The following LYST variants were observed in gnomAD, a reference collection of about 807,000 sequenced individuals.
LYST encodes lysosomal-trafficking regulator.
LYST carries 192 observed loss-of-function variants against 413.6 expected under a neutral mutation model. That is an observed-to-expected ratio of 0.46 (90% CI 0.41 to 0.52). The LOEUF is 0.52. LYST is among the 20% of genes least tolerant of loss of function. The pLI is 0.00. For synonymous variants in LYST, 1,525 were observed against 1,567.3 expected (o/e 0.97, Z 0.64); for missense variants, 3,815 against 4,499.9 (o/e 0.85, Z 4.35).
chr1:235,758,173 A>G (rs946672969), intron 23 of LYST, among the ~76,000 whole-genome samples: 2 of 152,200 alleles, frequency 1.3e-5, no homozygotes, highest in African/African-American at 4.8e-5. Context: ...AGCTCCATAT[A>G]AAGTTATGGG....
intron 25 of LYST, 85 bp downstream of exon 25, chr1:235,755,393 G>GAAAAGAAA (rs1666927252): frequency 2.6e-6 from 1 of 388,508 alleles, no homozygotes; most frequent in East Asian, 3.1e-5. Flanking sequence ...CGTCTCAAAA[G>GAAAAGAAA]AAAAGAAAAG....
intron 1 of LYST, among the ~76,000 whole-genome samples, chr1:235,844,055 G>C (rs1196254358): frequency 2.0e-5 from 3 of 152,164 alleles, no homozygotes; most frequent in Non-Finnish European, 2.9e-5. Context: ...ATAATGTACA[G>C]AATAATAAGT....
chr1:235,793,037 C>G (rs1012850557), intron 11 of LYST, among the ~76,000 whole-genome samples: 9 of 152,094 alleles, frequency 5.9e-5, no homozygotes, highest in African/African-American at 2.2e-4. Context: ...GCTTATGCTT[C>G]TAGTCAAGGT....
In LYST at chr1:235,703,070, A is replaced by T; in HGVS notation, c.10144-93T>A. The T allele has an allele frequency of 3.2e-6, 3 of 924,426 alleles. No homozygotes were observed. In the South Asian group the frequency reaches 4.0e-5, roughly 12 times the overall value. 57.3% of individuals were successfully genotyped at this position (924,426 alleles called of 1,614,324 possible). On this transcript the variant is annotated intron_variant, in intron 44 of 52. Transcript: ENST00000389793. ...AGGGAAAAACAACACTTTGTTTTAT[A>T]TTCTAGGTTATGGAAAAAATGCTTT...
In LYST at chr1:235,793,543, G is replaced by T; in HGVS notation, c.4076C>A (p.Thr1359Asn). 6.3e-7 allele frequency: 1 copy of T among 1,592,964 alleles called. No individual in the cohort carries two copies. Among genetic ancestry groups the T allele is most frequent in the Non-Finnish European group, 8.6e-7 (1 of 1,163,498 alleles). Residue 1359 changes from threonine to asparagine, a missense_variant, in exon 11 of 53, where the codon ACC becomes AAC. This residue lies in a region of LYST where 1,648 missense variants were observed against 1,810.3 expected (regional missense o/e 0.91). Transcript: ENST00000389793. The stretch of plus-strand genomic sequence containing the variant: ...CTCCAGAAATATTCTCAAAAGAAGG[G>T]TTAGCTCTTCTGAACATGTTCTTGA... The part of the protein sequence containing the change: ...MSSRTCSEEL[T>N]LLLRIFLEKS...
chr1:235,878,414 ACT>A (rs1193050119), intron 1 of LYST, among the ~76,000 whole-genome samples: 1 of 151,620 alleles, frequency 6.6e-6, no homozygotes, highest in Non-Finnish European at 1.5e-5. Flanking sequence ...CTTCTATCCC[ACT>A]CTCCCTGATT....
chr1:235,847,441 C>T (rs1182103678), intron 1 of LYST, among the ~76,000 whole-genome samples: 1 of 152,132 alleles, frequency 6.6e-6, no homozygotes, highest in Non-Finnish European at 1.5e-5. Flanking sequence ...GCATAAATCA[C>T]ACAGGGCCTA....
chr1:235,741,610 C>T lies in LYST; in HGVS notation c.8170G>A (p.Gly2724Ser), dbSNP rs1451282977. ...KVSIGSSKAS[G>S]SKQQWTKILW... ...ATTTTAGTCCATTGCTGCTTGGAAC[C>T]ACTGGCTTTACTTGAACCCTAAAAT... is the stretch of plus-strand genomic sequence containing the variant. The change falls in exon 31 of 53, where the codon GGT (glycine) becomes AGT (serine). Residue 2724 changes from glycine (G) to serine (S), a missense_variant. Around this residue, in one of 4 missense-constraint regions of LYST, gnomAD observed 771 missense variants for 837.1 expected, o/e 0.92. Coordinates refer to ENST00000389793, the MANE Select transcript of LYST (RefSeq NM_000081.4). The T allele has an allele frequency of 1.9e-6, 3 of 1,613,850 alleles. No individual in the cohort carries two copies.
chr1:235,698,905 CAAAT>C (rs894278647), intron 45 of LYST, among the ~76,000 whole-genome samples: 36 of 151,830 alleles, frequency 2.4e-4, no homozygotes, highest in South Asian at 4.2e-4. Context: ...AAAAAATCAA[CAAAT>C]AAAGTTGAGA....
At chr1:235,713,346 A>G (rs1447187805) in intron 42 of LYST, among the ~76,000 whole-genome samples, 1 of 152,226 alleles carries the variant, frequency 6.6e-6, no homozygotes, top group Non-Finnish European at 1.5e-5. Flanking sequence ...AAATTAAGGT[A>G]ATTTTGTAAG....
chr1:235,805,865 A>G lies in LYST; in HGVS notation c.3271T>C (p.Phe1091Leu), dbSNP rs1367187062. 3 of 1,613,732 alleles carry G rather than the reference A, an allele frequency of 1.9e-6. No individual in the cohort carries two copies. Among genetic ancestry groups the G allele is most frequent in the Non-Finnish European group, 2.5e-6 (3 of 1,179,918 alleles). Residue 1091 changes from phenylalanine to leucine, a missense_variant, in exon 6 of 53, where the codon TTT (phenylalanine) becomes CTT (leucine). Coordinates refer to ENST00000389793, the MANE Select transcript of LYST (RefSeq NM_000081.4). ...TEAAPEEAKL[F>L]TSQESETSLQ... is the part of the protein sequence containing the mutation. ...GAGGTCTCACTTTCTTGACTTGTAA[A>G]TAGCTTTGCTTCCTCGGGAGCGGCT...
At chr1:235,687,127 T>A in intron 47 of LYST, 80 bp from the exon 48 acceptor site, 2 of 970,846 alleles carry the variant, frequency 2.1e-6, no homozygotes, top group Admixed American at 2.0e-5. Context: ...AATAAAAGAA[T>A]GAAAAATACT....
rs770877524 is a variant in LYST at position 235,733,497 on chromosome 1, G to A, written c.8801+6C>T. 1 of 1,613,160 alleles carries A rather than the reference G, an allele frequency of 6.2e-7. No individual in the cohort carries two copies. The highest frequency in any genetic ancestry group is 8.5e-7 in the Non-Finnish European group (1 of 1,179,394). ...AGACAATTTTAACTGACCTCCCGCA[G>A]CTTACCTATCATGTGTCAGCTGCTG... On this transcript the variant is annotated splice_donor_region_variant and intron_variant, in intron 34 of 52. Transcript: ENST00000389793.
upstream of LYST, among the ~76,000 whole-genome samples, chr1:235,867,994 C>T (rs1680727874): frequency 2.0e-5 from 3 of 152,262 alleles, no homozygotes; most frequent in South Asian, 6.2e-4. Context: ...TCCCATCTAA[C>T]CCAATGACAA....
chr1:235,713,797 T>C (rs559346130), intron 42 of LYST, among the ~76,000 whole-genome samples: 3 of 152,304 alleles, frequency 2.0e-5, no homozygotes, highest in African/African-American at 7.2e-5. Context: ...AGCCAACAGA[T>C]ATCACTTGAA....
At chr1:235,799,965 TTTTTTTTTTG>T in intron 10 of LYST, among the ~76,000 whole-genome samples, 1 of 98,744 alleles carries the variant, frequency 1.0e-5, no homozygotes, top group East Asian at 2.7e-4. Flanking sequence ...TTTTTTTTTT[TTTTTTTTTTG>T]AGACAGGGTC....
In LYST at chr1:235,686,267, T is replaced by A. The variant is rs1660214786; in HGVS notation, c.10800+682A>T. On this transcript the variant is annotated intron_variant, in intron 48 of 52. Coordinates refer to ENST00000389793, the MANE Select transcript of LYST (RefSeq NM_000081.4). This position sits in a 1 kb window ranked among gnomAD's most constrained non-coding sequence, Gnocchi z 4.0. Reference sequence around the variant, plus strand: ...CTGTGGTCCCAGCTACTCGAGAGGCTGAGGCACGAGAATTGATTGAGCCCG... The same window carrying A: ...CTGTGGTCCCAGCTACTCGAGAGGCAGAGGCACGAGAATTGATTGAGCCCG... Among the ~76,000 whole-genome samples, 1 of 152,160 alleles carries A rather than the reference T, an allele frequency of 6.6e-6. No individual in the cohort carries two copies. The highest frequency in any genetic ancestry group is 2.4e-5 in the African/African-American group (1 of 41,448).
intron 1 of LYST, among the ~76,000 whole-genome samples, chr1:235,860,702 G>A (rs931280876): frequency 3.9e-5 from 6 of 152,078 alleles, no homozygotes; most frequent in African/African-American, 1.5e-4. Flanking sequence ...TAACTGACAT[G>A]TAACAAACCA....
intron 1 of LYST, among the ~76,000 whole-genome samples, chr1:235,841,415 A>G (rs752072103): frequency 8.5e-5 from 13 of 152,162 alleles, no homozygotes; most frequent in Non-Finnish European, 1.9e-4. Context: ...GCCATCTCCT[A>G]TCAGCTCTGA....
Sources: gnomAD v4.1 joint callset for allele counts (sites outside exome capture counted in the v4.1 genomes callset) on GRCh38, gnomAD v4.1.1 for gene constraint, gnomAD v4.1.1 regional missense constraint, Gnocchi (gnomAD v3.1) non-coding constraint, MANE v1.5 for transcripts, NCBI Gene and HGNC (gene_info 2026-07-23, HGNC 2026-07-21) for gene names.